SOX6: variants seen among roughly 807,000 people sequenced by gnomAD.
The protein encoded by SOX6 is transcription factor SOX-6.
Under a neutral mutation model 97.8 loss-of-function variants are expected in SOX6, and 11 were observed. The observed-to-expected ratio is 0.11, with a 90% CI of 0.07 to 0.19. The LOEUF (loss-of-function observed/expected upper bound fraction) is 0.19, where lower values mean the gene tolerates loss of function less well. Among genes scored for constraint, SOX6 ranks in the 10% least tolerant of loss-of-function variants. SOX6 has a pLI of 1.00. For missense variants in SOX6, 810 were observed against 1,039.5 expected (o/e 0.78, Z 3.04); for synonymous variants, 360 against 371.4 (o/e 0.97, Z 0.35).
chr11:16,538,612 T>C (rs1861348019), intron 4 of SOX6, among the ~76,000 whole-genome samples: 1 of 151,380 alleles, frequency 6.6e-6, no homozygotes, highest in Admixed American at 6.6e-5. Context: ...AGGCTCAAAA[T>C]AAAGTGATGG....
chr11:16,523,737 A>C (rs1011299125), intron 4 of SOX6, among the ~76,000 whole-genome samples: 14 of 152,312 alleles, frequency 9.2e-5, no homozygotes, highest in African/African-American at 3.4e-4. Flanking sequence ...GACCACTAGC[A>C]AGACTAATAA....
chr11:16,288,550 C>CATTG (rs1854817862), intron 3 of SOX6, among the ~76,000 whole-genome samples: 1 of 151,966 alleles, frequency 6.6e-6, no homozygotes, highest in African/African-American at 2.4e-5. Context: ...AAATGCTAAA[C>CATTG]ATTGGTACAT....
chr11:16,436,485 T>C (rs879829285), intron 1 of SOX6, among the ~76,000 whole-genome samples: 7 of 152,100 alleles, frequency 4.6e-5, no homozygotes, highest in Non-Finnish European at 1.0e-4. Flanking sequence ...CAAATCTCTA[T>C]CTCTAGCCCA....
At chr11:16,412,473 T>C (rs1189069513) in intron 1 of SOX6, among the ~76,000 whole-genome samples, 1 of 152,128 alleles carries the variant, frequency 6.6e-6, no homozygotes, top group African/African-American at 2.4e-5. Context: ...GCTTTTTTTA[T>C]TAAAAAAATA....
intron 4 of SOX6, among the ~76,000 whole-genome samples, chr11:16,548,646 A>G (rs1255153692): frequency 6.6e-6 from 1 of 152,194 alleles, no homozygotes; most frequent in Non-Finnish European, 1.5e-5. Context: ...TGGCTCTTTG[A>G]AAGACACTTA....
chr11:16,347,088 G>C (rs1856793479), intron 1 of SOX6, among the ~76,000 whole-genome samples: 1 of 152,036 alleles, frequency 6.6e-6, no homozygotes, highest in Non-Finnish European at 1.5e-5. Flanking sequence ...CTCATGAATT[G>C]TTTCTCCTGA....
intron 3 of SOX6, among the ~76,000 whole-genome samples, chr11:16,625,112 A>T (rs1848605117): frequency 6.6e-6 from 1 of 152,170 alleles, no homozygotes; most frequent in Non-Finnish European, 1.5e-5. Flanking sequence ...TGATGAGTAG[A>T]TGTTTTTAAT....
intron 1 of SOX6, among the ~76,000 whole-genome samples, chr11:16,474,913 A>G (rs943157423): frequency 6.6e-6 from 1 of 152,150 alleles, no homozygotes; most frequent in African/African-American, 2.4e-5. Context: ...TGATGTAGTC[A>G]CCTTCATCAA....
chr11:16,697,520 G>T (rs1848062864), intron 3 of SOX6, among the ~76,000 whole-genome samples: 1 of 152,144 alleles, frequency 6.6e-6, no homozygotes, highest in Non-Finnish European at 1.5e-5. Flanking sequence ...TGTAATCCCA[G>T]CTACTCAGGA....
intron 1 of SOX6, among the ~76,000 whole-genome samples, chr11:16,367,566 G>A (rs1286120357): frequency 6.6e-6 from 1 of 152,186 alleles, no homozygotes; most frequent in Non-Finnish European, 1.5e-5. Flanking sequence ...AAGGAAGAAA[G>A]AGAATAGCCC....
chr11:16,599,964 A>G (rs574449734), intron 4 of SOX6, among the ~76,000 whole-genome samples: 1 of 152,356 alleles, frequency 6.6e-6, no homozygotes, highest in East Asian at 1.9e-4. Flanking sequence ...TTGATGCACA[A>G]AAGCCATAAT....
rs1450120071 is a variant in SOX6, at chr11:16,097,598, C to G, written c.978+11G>C. 1.9e-6 allele frequency: 3 copies of G among 1,610,438 alleles called. No individual in the cohort carries two copies. In the Admixed American group the frequency reaches 5.0e-5, roughly 27 times the overall value. On this transcript the variant is annotated intron_variant, in intron 8 of 15. Coordinates refer to ENST00000683767, the MANE Select transcript of SOX6 (RefSeq NM_001367873.1). ...GGCTCATATCCCACATTTTTTTCTT[C>G]TGGCACTTACCTGGAGCTGTAAAGG...
chr11:16,361,843 C>T (rs1418511434), intron 1 of SOX6, among the ~76,000 whole-genome samples: 1 of 152,174 alleles, frequency 6.6e-6, no homozygotes, highest in Non-Finnish European at 1.5e-5. Flanking sequence ...TATATCTTTA[C>T]TTTTAAATGG....
intron 6 of SOX6, among the ~76,000 whole-genome samples, chr11:16,125,261 T>G (rs1849581026): frequency 6.6e-6 from 1 of 152,028 alleles, no homozygotes; most frequent in Admixed American, 6.6e-5. Context: ...AAATAACATT[T>G]CAATGAAATT....
chr11:16,321,005 A>G (rs1007724649), intron 2 of SOX6, among the ~76,000 whole-genome samples: 1 of 152,116 alleles, frequency 6.6e-6, no homozygotes, highest in African/African-American at 2.4e-5. Flanking sequence ...TGTTTACAAG[A>G]ATTCTGTGAA....
intron 3 of SOX6, among the ~76,000 whole-genome samples, chr11:16,660,897 A>G (rs141444870): frequency 3.9e-5 from 6 of 152,330 alleles, no homozygotes; most frequent in African/African-American, 9.6e-5. Flanking sequence ...GTTGTTTAAA[A>G]GTCACCCAGT....
chr11:16,349,715 A>AGGAGGAAGGAAG (rs369882029), intron 1 of SOX6, among the ~76,000 whole-genome samples: 1 of 41,730 alleles, frequency 2.4e-5, no homozygotes, highest in Non-Finnish European at 4.7e-5. Context: ...GAAGGAAGGA[A>AGGAGGAAGGAAG]GAAGGAAGGA....
At chr11:16,317,341 CATT>C (rs573483392) in intron 3 of SOX6, 2 of 151,512 alleles carry the variant, frequency 1.3e-5, no homozygotes, top group East Asian at 1.9e-4. Flanking sequence ...AAGACATATT[CATT>C]ATTATTATTA....
intron 3 of SOX6, among the ~76,000 whole-genome samples, chr11:16,666,947 A>G (rs996724542): frequency 7.2e-5 from 11 of 152,162 alleles, no homozygotes; most frequent in African/African-American, 2.7e-4. Context: ...TATTCAAAAT[A>G]TAATAACACC....
Sources: gnomAD v4.1 joint callset for allele counts (sites outside exome capture counted in the v4.1 genomes callset) on GRCh38, gnomAD v4.1.1 for gene constraint, MANE v1.5 for transcripts, NCBI Gene and HGNC (gene_info 2026-07-23, HGNC 2026-07-21) for gene names.